RAD52: variants seen among roughly 807,000 people sequenced by gnomAD.
RAD52 encodes the protein DNA repair protein RAD52 homolog.
A neutral mutation model predicts 55.5 loss-of-function variants in RAD52; 47 were observed. The observed-to-expected ratio is 0.85, with a 90% CI of 0.67 to 1.08. The LOEUF (loss-of-function observed/expected upper bound fraction) is 1.08, where lower values mean the gene tolerates loss of function less well. Ranked by LOEUF, RAD52 falls within the 50% of genes least tolerant of loss-of-function variation. The pLI, the probability that RAD52 is intolerant of heterozygous loss-of-function variation, is 0.00. For synonymous variants in RAD52, 184 were observed against 198.9 expected (o/e 0.92, Z 0.63); for missense variants, 468 against 522.8 (o/e 0.90, Z 1.02).
chr12:916,952 T>A, intron 7 of RAD52, 132 bp from the exon 8 acceptor site: 1 of 1,244,212 alleles, frequency 8.0e-7, no homozygotes, highest in Non-Finnish European at 1.1e-6. Flanking sequence ...CTAGGTCCTG[T>A]AACTCCATGA....
At chr12:914,161 G>A (rs374709175) in intron 10 of RAD52, 40 bp from the exon 11 acceptor site, 267 of 1,553,702 alleles carry the variant, frequency 1.7e-4, no homozygotes, top group Non-Finnish European at 2.2e-4. Context: ...AGCAAATAAT[G>A]AAGTATTCTC....
chr12:990,069 C>G (rs755263005), upstream of RAD52: 2 of 152,010 alleles, frequency 1.3e-5, no homozygotes, highest in Non-Finnish European at 2.9e-5. Flanking sequence ...AGAGTCCGGG[C>G]AGGATGAAAC....
At chr12:973,107 T>C (rs1024726501) in intron 1 of RAD52, among the ~76,000 whole-genome samples, 7 of 152,168 alleles carry the variant, frequency 4.6e-5, no homozygotes, top group Admixed American at 1.3e-4. Flanking sequence ...TCTCGCTCTG[T>C]CGCCCAGGCT....
intron 1 of RAD52, among the ~76,000 whole-genome samples, chr12:955,787 GT>G (rs984130985): frequency 2.1e-5 from 3 of 145,902 alleles, no homozygotes; most frequent in African/African-American, 7.6e-5. Context: ...TGTTTTTTTT[GT>G]TTTTTTTTGA....
chr12:990,794 G>T (rs962586253), upstream of RAD52, among the ~76,000 whole-genome samples: 1 of 152,110 alleles, frequency 6.6e-6, no homozygotes, highest in African/African-American at 2.4e-5. Context: ...TAGGGGGTGG[G>T]GCGCCGCTTA....
At chr12:988,812 C>T (rs1246136874) in intron 1 of RAD52, among the ~76,000 whole-genome samples, 2 of 151,218 alleles carry the variant, frequency 1.3e-5, no homozygotes, top group African/African-American at 4.9e-5. Flanking sequence ...GACACCACGT[C>T]CTTCATGAAG....
intron 9 of RAD52, among the ~76,000 whole-genome samples, chr12:916,018 A>C (rs1015481514): frequency 2.0e-5 from 3 of 152,168 alleles, no homozygotes; most frequent in African/African-American, 7.2e-5. Flanking sequence ...TGCCCGGCCA[A>C]GGCTTTCTAA....
intron 7 of RAD52, among the ~76,000 whole-genome samples, chr12:922,428 C>T (rs1179485803): frequency 2.0e-5 from 3 of 152,210 alleles, no homozygotes; most frequent in African/African-American, 7.2e-5. Context: ...TACACACCCT[C>T]GTTCATAGCA....
Position 957,466 on chromosome 12 carries a change from CAAAAAA to C in RAD52, c.-18-24396_-18-24391del, listed in dbSNP as rs71055109. On this transcript the variant is annotated intron_variant, in intron 1 of 11. Coordinates refer to the RAD52 transcript ENST00000430095. ...AGGCAACAAGAGTAAAACTTCGTCT[CAAAAAA>C]AAAAAAAAAAAAAAAAAAGAATTGT... is the stretch of plus-strand genomic sequence containing the variant. Among the ~76,000 whole-genome samples, 11 of 44,056 alleles carry C rather than the reference CAAAAAA, an allele frequency of 2.5e-4. No homozygotes were observed. In the East Asian group the frequency reaches 3.6e-3, roughly 14 times the overall value. The allele number at this position is 44,056 out of a possible 152,430, so 28.9% of individuals were successfully genotyped here. A position where few individuals can be genotyped will look rare whatever the true frequency, so the allele number is the denominator to read the frequency against.
At chr12:916,257 A>G in intron 9 of RAD52, 87 bp downstream of exon 9, 1 of 1,558,576 alleles carries the variant, frequency 6.4e-7, no homozygotes, top group Non-Finnish European at 8.6e-7. Flanking sequence ...GAGCCGGCCC[A>G]GGGTTACCGC....
chr12:966,684 G>A (rs1958775186), intron 1 of RAD52, among the ~76,000 whole-genome samples: 1 of 151,712 alleles, frequency 6.6e-6, no homozygotes, highest in Non-Finnish European at 1.5e-5. Flanking sequence ...TGATTATGGA[G>A]CACTTACAAT....
chr12:939,517 G>C (rs747983805), intron 1 of RAD52, among the ~76,000 whole-genome samples: 1 of 152,130 alleles, frequency 6.6e-6, no homozygotes, highest in African/African-American at 2.4e-5. Context: ...TACCTGCATA[G>C]CCAAGATTAT....
At chr12:954,544 G>A (rs986603190), upstream of RAD52, among the ~76,000 whole-genome samples, 1 of 152,192 alleles carries the variant, frequency 6.6e-6, no homozygotes, top group African/African-American at 2.4e-5. Context: ...AGAGGCATGA[G>A]ACTTGCTTGA....
At chr12:981,869 G>A (rs769663792) in intron 1 of RAD52, among the ~76,000 whole-genome samples, 1 of 152,140 alleles carries the variant, frequency 6.6e-6, no homozygotes, top group Non-Finnish European at 1.5e-5. Context: ...TTGGCTTGAC[G>A]CTCTGCCCTC....
At chr12:971,773 G>C (rs556813785) in intron 1 of RAD52, among the ~76,000 whole-genome samples, 3 of 151,020 alleles carry the variant, frequency 2.0e-5, no homozygotes, top group African/African-American at 7.3e-5. Flanking sequence ...TTTTTGAGAC[G>C]GAGTCTCGCT....
At chr12:987,181 G>A (rs56404217) in intron 1 of RAD52, among the ~76,000 whole-genome samples, 15,177 of 151,924 alleles carry the variant, frequency 0.1, 1,415 homozygotes, top group African/African-American at 0.25. Flanking sequence ...ATGTTGGCCA[G>A]GCTGGTCTCA....
At chr12:928,885 C>T (rs565833311) in intron 5 of RAD52, among the ~76,000 whole-genome samples, 1 of 151,970 alleles carries the variant, frequency 6.6e-6, no homozygotes, top group Non-Finnish European at 1.5e-5. Flanking sequence ...GTAAGGCTAC[C>T]GATAAAACTT....
At chr12:916,321 C>T (rs757460856) in intron 9 of RAD52, 23 bp downstream of exon 9, 1 of 1,602,150 alleles carries the variant, frequency 6.2e-7, no homozygotes, top group East Asian at 2.2e-5. Context: ...CCTCCCAGGG[C>T]CCTGCTCCCA....
chr12:941,004 T>G (rs1190608583), intron 1 of RAD52, among the ~76,000 whole-genome samples: 1 of 152,098 alleles, frequency 6.6e-6, no homozygotes, highest in South Asian at 2.1e-4. Flanking sequence ...TTTTTAAAAC[T>G]AATAGCTCCA....
Sources: allele counts gnomAD v4.1 joint callset (sites outside exome capture counted in the v4.1 genomes callset), GRCh38; gene constraint gnomAD v4.1.1; transcripts MANE v1.5; gene names NCBI Gene and HGNC (gene_info 2026-07-23, HGNC 2026-07-21).